The following CNTN4 variants were observed in gnomAD, a reference collection of about 807,000 sequenced individuals.
CNTN4 encodes the protein contactin-4.
CNTN4 carries 77 observed loss-of-function variants against 122.5 expected under a neutral mutation model. The observed-to-expected ratio is 0.63, with a 90% CI of 0.52 to 0.76. The LOEUF (loss-of-function observed/expected upper bound fraction) is 0.76. CNTN4 is among the 30% of genes least tolerant of loss of function. The pLI, the probability that CNTN4 is intolerant of heterozygous loss-of-function variation, is 0.00. For missense variants in CNTN4, 1,256 were observed against 1,259.1 expected (o/e 1.00, Z 0.04); for synonymous variants, 512 against 447.0 (o/e 1.15, Z -1.83).
intron 2 of CNTN4, among the ~76,000 whole-genome samples, chr3:2,101,259 G>A (rs2031928997): frequency 6.6e-6 from 1 of 152,102 alleles, no homozygotes; most frequent in Non-Finnish European, 1.5e-5. Context: ...TTTGGCTGCA[G>A]TTTTTCTTCT....
rs577742386 is a variant in CNTN4 at position 2,532,609 on chromosome 3, T to C, written c.-88-38807T>C. Among the ~76,000 whole-genome samples, 243 of 152,268 alleles carry C rather than the reference T, an allele frequency of 1.6e-3. 3 individuals are homozygous for C. The highest frequency in any genetic ancestry group is 3.1e-3 in the South Asian group (15 of 4,826). The stretch of plus-strand genomic sequence containing the variant: ...CTTTTTAAACTTCCTGCTTTGCACA[T>C]AGTTAACTGGAAGAAAAGGAAACCA... On this transcript the variant is annotated intron_variant, in intron 3 of 24. Transcript: ENST00000418658.
At chr3:2,254,469 G>T (rs781134332) in intron 2 of CNTN4, among the ~76,000 whole-genome samples, 1 of 152,152 alleles carries the variant, frequency 6.6e-6, no homozygotes, top group Non-Finnish European at 1.5e-5. Context: ...TTGCCACACT[G>T]TCTTCCACAG....
chr3:2,954,064 A>C (rs1338420782), intron 13 of CNTN4, among the ~76,000 whole-genome samples: 3 of 152,232 alleles, frequency 2.0e-5, no homozygotes, highest in African/African-American at 7.2e-5. Flanking sequence ...CTTTTCTAAA[A>C]TATGCATAAT....
At chr3:2,215,840 G>GCC (rs758228494) in intron 2 of CNTN4, among the ~76,000 whole-genome samples, 31 of 126,808 alleles carry the variant, frequency 2.4e-4, no homozygotes, top group Non-Finnish European at 3.8e-4. Context: ...CCGAGACTGT[G>GCC]CCACTGCACT....
intron 10 of CNTN4, among the ~76,000 whole-genome samples, chr3:2,895,884 T>G (rs1022293994): frequency 6.6e-6 from 1 of 151,890 alleles, no homozygotes; most frequent in Non-Finnish European, 1.5e-5. Context: ...AATACAAAAA[T>G]TAGCCGAGCG....
intron 4 of CNTN4, among the ~76,000 whole-genome samples, chr3:2,579,853 A>C (rs980678262): frequency 5.3e-5 from 8 of 152,226 alleles, no homozygotes; most frequent in Admixed American, 2.0e-4. Context: ...GATAATGATT[A>C]TGGTGACAGT....
At chr3:2,124,443 C>T (rs1004391394) in intron 2 of CNTN4, among the ~76,000 whole-genome samples, 1 of 147,064 alleles carries the variant, frequency 6.8e-6, no homozygotes, top group Non-Finnish European at 1.5e-5. Context: ...AACACACACA[C>T]ACACACACAC....
chr3:2,609,333 G>T (rs1327586263), intron 4 of CNTN4, among the ~76,000 whole-genome samples: 2 of 152,218 alleles, frequency 1.3e-5, no homozygotes, highest in East Asian at 3.8e-4. Context: ...TGAGGACACG[G>T]TATTCAAGGT....
At chr3:2,366,854 A>AT (rs2045400139) in intron 3 of CNTN4, among the ~76,000 whole-genome samples, 1 of 152,070 alleles carries the variant, frequency 6.6e-6, no homozygotes, top group Admixed American at 6.6e-5. Context: ...GCATTATCTT[A>AT]TTGACTATGT....
intron 4 of CNTN4, among the ~76,000 whole-genome samples, chr3:2,666,956 T>C (rs1282664921): frequency 6.6e-6 from 1 of 152,100 alleles, no homozygotes; most frequent in Non-Finnish European, 1.5e-5. Context: ...TTCCATGGTG[T>C]ATATGTGCCA....
At chr3:2,251,590 C>T (rs938573035) in intron 2 of CNTN4, among the ~76,000 whole-genome samples, 1 of 151,638 alleles carries the variant, frequency 6.6e-6, no homozygotes, top group African/African-American at 2.4e-5. Flanking sequence ...GAGCCATTGC[C>T]GTTTCTGTAT....
intron 2 of CNTN4, among the ~76,000 whole-genome samples, chr3:2,301,700 G>T (rs527781860): frequency 1.4e-4 from 22 of 152,330 alleles, no homozygotes; most frequent in African/African-American, 5.3e-4. Context: ...GAACAGCAGT[G>T]TGAAGTCTGA....
At chr3:2,820,815 A>T (rs1466699136) in intron 7 of CNTN4, among the ~76,000 whole-genome samples, 4 of 151,926 alleles carry the variant, frequency 2.6e-5, no homozygotes, top group African/African-American at 9.7e-5. Context: ...CAAGAACAAA[A>T]GTTCCTTGAC....
chr3:2,810,997 C>T (rs996129305), intron 6 of CNTN4, among the ~76,000 whole-genome samples: 2 of 148,250 alleles, frequency 1.3e-5, no homozygotes, highest in Admixed American at 6.8e-5. Flanking sequence ...ATGTTCATGG[C>T]TGCAGAATTA....
intron 6 of CNTN4, among the ~76,000 whole-genome samples, chr3:2,747,898 C>T (rs547327669): frequency 1.3e-5 from 2 of 152,236 alleles, no homozygotes; most frequent in Admixed American, 6.5e-5. Flanking sequence ...TAAAATTGAG[C>T]CAAATATCTC....
At chr3:2,315,371 A>G (rs1434345449) in intron 2 of CNTN4, among the ~76,000 whole-genome samples, 2 of 152,058 alleles carry the variant, frequency 1.3e-5, no homozygotes, top group African/African-American at 4.8e-5. Context: ...ACATGTATTC[A>G]TCAGTTTCCC....
rs142229504 is a variant in CNTN4 at position 2,407,977 on chromosome 3, GTTTA to G, written c.-89+68750_-89+68753del. On this transcript the variant is annotated intron_variant, in intron 3 of 24. Coordinates refer to ENST00000418658, the MANE Select transcript of CNTN4 (RefSeq NM_175607.3). ...AATACTTGTGACATATTTATTTAAA[GTTTA>G]TTTATGAGCAGTATGGTAGTTTAAA... Among the ~76,000 whole-genome samples, 625 of 152,238 alleles carry G rather than the reference GTTTA, an allele frequency of 4.1e-3. 5 individuals carry two copies. Among genetic ancestry groups the G allele is most frequent in the African/African-American group, 0.015 (611 of 41,552 alleles).
chr3:3,052,609 T>A (rs1393216725), intron 23 of CNTN4, among the ~76,000 whole-genome samples: 1 of 152,210 alleles, frequency 6.6e-6, no homozygotes, highest in Admixed American at 6.5e-5. Flanking sequence ...TGTTCCTGAT[T>A]GGAGTAAATC....
At chr3:2,820,993 G>A (rs889833441) in intron 7 of CNTN4, among the ~76,000 whole-genome samples, 8 of 106,456 alleles carry the variant, frequency 7.5e-5, no homozygotes, top group Admixed American at 3.5e-4. Context: ...ACAGAGTCTC[G>A]CTTTGTCACC....
Sources: allele counts gnomAD v4.1 joint callset (sites outside exome capture counted in the v4.1 genomes callset), GRCh38; gene constraint gnomAD v4.1.1; transcripts MANE v1.5; gene names NCBI Gene and HGNC (gene_info 2026-07-23, HGNC 2026-07-21).